Variants in C5AR2 observed in about 807,000 individuals in gnomAD.
C5AR2 encodes C5a anaphylatoxin chemotactic receptor 2.
For missense variants in C5AR2, 458 were observed against 467.5 expected (o/e 0.98, Z 0.19); for synonymous variants, 224 against 216.5 (o/e 1.03, Z -0.30).
rs568862229 is a variant in C5AR2, at chr19:47,347,272, G to A, written c.*5459G>A. The A allele has an allele frequency of 6.6e-6, 1 of 151,424 alleles. No individual in the cohort carries two copies. Among genetic ancestry groups the A allele is most frequent in the South Asian group, 2.1e-4 (1 of 4,826 alleles). The allele number at this position is 151,424 out of a possible 1,614,324, so 9.4% of individuals were successfully genotyped here. On this transcript the variant is annotated 3_prime_UTR_variant, in exon 2 of 2. Transcript: ENST00000595464. The stretch of plus-strand genomic sequence containing the variant: ...GTGGCTTTCTTGTTGATTTCCATTT[G>A]TTGTTCATTTCCTCCAATTTTCCTT...
Position 47,340,735 on chromosome 19 carries a change from G to A in C5AR2, c.-15-50G>A. The stretch of plus-strand genomic sequence containing the variant: ...CTGATGGACACCCTAGATCTCCAGG[G>A]CCATGGAGTTTCCTCCTCTGAGTTT... On this transcript the variant is annotated intron_variant, in intron 1 of 1. Transcript: ENST00000595464. The A allele has an allele frequency of 3.8e-6, 6 of 1,573,106 alleles. No individual in the cohort carries two copies. The South Asian group carries it at 4.4e-5, about 12-fold the overall frequency.
rs1167963136 is a variant in C5AR2 at position 47,341,895 on chromosome 19, A to G, written c.*82A>G. ...AGGCATAGCTGGATCCAGGAGCTCA[A>G]TGATGTCTTCATTTTATTCCTTCCT... On this transcript the variant is annotated 3_prime_UTR_variant, in exon 2 of 2. Transcript: ENST00000595464. This position sits in a 1 kb window ranked among gnomAD's most constrained non-coding sequence, Gnocchi z 4.6. 3 of 1,276,888 alleles carry G rather than the reference A, an allele frequency of 2.3e-6. No homozygotes were observed. Among genetic ancestry groups the G allele is most frequent in the Admixed American group, 2.0e-5 (1 of 49,486 alleles). 79.1% of individuals were successfully genotyped at this position (1,276,888 alleles called of 1,614,324 possible).
rs34783812 is a variant in C5AR2 at position 47,345,358 on chromosome 19, CTTTTT to C, written c.*3564_*3568del. 8 of 111,098 alleles carry C rather than the reference CTTTTT, an allele frequency of 7.2e-5. No individual in the cohort carries two copies. The highest frequency in any genetic ancestry group is 2.9e-4 in the South Asian group (1 of 3,442). The allele number at this position is 111,098 out of a possible 1,614,324, so 6.9% of individuals were successfully genotyped here. On this transcript the variant is annotated 3_prime_UTR_variant, in exon 2 of 2. Transcript: ENST00000595464. Reference sequence around the variant, plus strand: ...GCTCAGTCAGAAAGCACTGGTATCACTTTTTTTTTTTTTTTTTTTTTTTGAGACGG... The same window carrying C: ...GCTCAGTCAGAAAGCACTGGTATCACTTTTTTTTTTTTTTTTTTGAGACGG...
intron 1 of C5AR2, among the ~76,000 whole-genome samples, chr19:47,338,869 T>C (rs1409194709): frequency 1.3e-5 from 2 of 151,494 alleles, no homozygotes; most frequent in Non-Finnish European, 2.9e-5. Context: ...ATAATATTAT[T>C]GTGGCCCGAC....
rs1969120368 is a variant in C5AR2 at position 47,346,436 on chromosome 19, G to T, written c.*4623G>T. ...AAATAGGTATAGGCTGGGCGTGGTG[G>T]CTCATGTCTGTAATCCCAGTACTTT... On this transcript the variant is annotated 3_prime_UTR_variant, in exon 2 of 2. Transcript: ENST00000595464. 1 of 152,164 alleles carries T rather than the reference G, an allele frequency of 6.6e-6. No individual in the cohort carries two copies. The highest frequency in any genetic ancestry group is 2.4e-5 in the African/African-American group (1 of 41,422). The allele number at this position is 152,164 out of a possible 1,614,324, so 9.4% of individuals were successfully genotyped here.
chr19:47,341,576 G>A lies in C5AR2; in HGVS notation c.777G>A (p.Ala259=). 3 of 1,613,612 alleles carry A rather than the reference G, an allele frequency of 1.9e-6. No individual in the cohort carries two copies. Among genetic ancestry groups the A allele is most frequent in the Non-Finnish European group, 2.5e-6 (3 of 1,179,916 alleles). Residue 259 remains alanine (A), a synonymous_variant, in exon 2 of 2, where the codon GCG becomes GCA. Coordinates refer to ENST00000595464, the MANE Select transcript of C5AR2 (RefSeq NM_001271749.2). This position sits in a 1 kb window ranked among gnomAD's most constrained non-coding sequence, Gnocchi z 4.6. ...YHLLGLVLTV[A]APNSALLARA... is the part of the protein sequence containing the mutation. The stretch of plus-strand genomic sequence containing the variant: ...TGCTGGGGCTGGTGCTCACTGTGGC[G>A]GCCCCGAACTCCGCACTCCTGGCCA...
chr19:47,339,559 C>T (rs1568669674), intron 1 of C5AR2, among the ~76,000 whole-genome samples: 1 of 151,966 alleles, frequency 6.6e-6, no homozygotes, highest in Non-Finnish European at 1.5e-5. Flanking sequence ...TCAGGTGATC[C>T]ACCCACCTTG....
rs34783812 is a variant in C5AR2, at chr19:47,345,358, C to CT, written c.*3568dup. ...GCTCAGTCAGAAAGCACTGGTATCA[C>CT]TTTTTTTTTTTTTTTTTTTTTTTGA... On this transcript the variant is annotated 3_prime_UTR_variant, in exon 2 of 2. Coordinates refer to ENST00000595464, the MANE Select transcript of C5AR2 (RefSeq NM_001271749.2). 1,318 of 111,016 alleles carry CT rather than the reference C, an allele frequency of 0.012. 32 individuals are homozygous for CT. The highest frequency in any genetic ancestry group is 0.023 in the African/African-American group (626 of 26,818). The allele number at this position is 111,016 out of a possible 1,614,324, so 6.9% of individuals were successfully genotyped here.
chr19:47,338,290 T>G (rs1443719108), intron 1 of C5AR2, among the ~76,000 whole-genome samples: 4 of 147,642 alleles, frequency 2.7e-5, no homozygotes, highest in Non-Finnish European at 5.9e-5. Flanking sequence ...AAAATATATA[T>G]ATATAAATTT....
intron 1 of C5AR2, among the ~76,000 whole-genome samples, chr19:47,339,871 C>A (rs2059375294): frequency 6.6e-6 from 1 of 152,182 alleles, no homozygotes; most frequent in African/African-American, 2.4e-5. Flanking sequence ...CCAACATAGC[C>A]AGCTTCCCTG....
chr19:47,339,076 C>T (rs2122167843), intron 1 of C5AR2, among the ~76,000 whole-genome samples: 1 of 151,868 alleles, frequency 6.6e-6, no homozygotes, highest in Non-Finnish European at 1.5e-5. Context: ...ATTGCTTGAA[C>T]CCAGGAGGCG....
chr19:47,341,247 G>T lies in C5AR2; in HGVS notation c.448G>T (p.Gly150Trp). Reference sequence around the variant, plus strand: ...GTGGTCTACGGTTCAGCGGGCGTGCGGGGTGCAGGTGGCCTGTGGGGCAGC... The same window carrying T: ...GTGGTCTACGGTTCAGCGGGCGTGCTGGGTGCAGGTGGCCTGTGGGGCAGC... ...AWWSTVQRACGVQVACGAAWT... is the reference protein window; with the variant it reads ...AWWSTVQRACWVQVACGAAWT... Residue 150 changes from glycine to tryptophan, a missense_variant, in exon 2 of 2, where the codon GGG (glycine) becomes TGG (tryptophan). Coordinates refer to ENST00000595464, the MANE Select transcript of C5AR2 (RefSeq NM_001271749.2). This position sits in a 1 kb window ranked among gnomAD's most constrained non-coding sequence, Gnocchi z 4.6. 1 of 1,602,906 alleles carries T rather than the reference G, an allele frequency of 6.2e-7. No individual in the cohort carries two copies. The highest frequency in any genetic ancestry group is 8.5e-7 in the Non-Finnish European group (1 of 1,179,854).
intron 1 of C5AR2, among the ~76,000 whole-genome samples, chr19:47,334,344 G>A (rs767184186): frequency 9.2e-5 from 14 of 151,880 alleles, no homozygotes; most frequent in Non-Finnish European, 1.9e-4. Context: ...TCAACCCATC[G>A]TAAGGCTGGG....
At chr19:47,347,324 A>ATTATTTATTTATTTATTTAT (rs10626798) in exon 2 of C5AR2, 1 of 149,578 alleles carries the variant, frequency 6.7e-6, no homozygotes, top group African/African-American at 2.5e-5. Flanking sequence ...TATTGTTTGG[A>ATTATTTATTTATTTATTTAT]TTATTTATTT....
chr19:47,336,333 G>T (rs959274484), intron 1 of C5AR2, among the ~76,000 whole-genome samples: 1 of 150,970 alleles, frequency 6.6e-6, no homozygotes, highest in Non-Finnish European at 1.5e-5. Context: ...CAAGTGATCC[G>T]CCCACCTCGG....
intron 1 of C5AR2, among the ~76,000 whole-genome samples, chr19:47,333,365 C>T (rs1372547010): frequency 1.8e-4 from 27 of 152,092 alleles, no homozygotes; most frequent in Admixed American, 1.8e-3. Flanking sequence ...TCATTCTCAT[C>T]GTGTAGAATA....
At chr19:47,335,095 A>C (rs537394542) in intron 1 of C5AR2, among the ~76,000 whole-genome samples, 12 of 149,066 alleles carry the variant, frequency 8.1e-5, no homozygotes, top group Non-Finnish European at 1.6e-4. Flanking sequence ...AGATTTTATC[A>C]TGTTGGCCAG....
intron 1 of C5AR2, among the ~76,000 whole-genome samples, chr19:47,335,686 C>T (rs1292506418): frequency 1.4e-5 from 2 of 139,092 alleles, no homozygotes; most frequent in African/African-American, 5.4e-5. Flanking sequence ...GCAGGAGAAT[C>T]ATGCGAACCC....
At chr19:47,334,942 T>C (rs535389651) in intron 1 of C5AR2, among the ~76,000 whole-genome samples, 1 of 151,754 alleles carries the variant, frequency 6.6e-6, no homozygotes, top group South Asian at 2.1e-4. Context: ...TGGAGTGCAG[T>C]GGTGTGATCT....
Sources: allele counts gnomAD v4.1 joint callset (sites outside exome capture counted in the v4.1 genomes callset), GRCh38; gene constraint gnomAD v4.1.1; non-coding constraint Gnocchi (gnomAD v3.1); transcripts MANE v1.5; gene names NCBI Gene and HGNC (gene_info 2026-07-23, HGNC 2026-07-21).